WIPF2: variants seen among roughly 807,000 people sequenced by gnomAD.
The protein encoded by WIPF2 is WAS/WASL-interacting protein family member 2.
A neutral mutation model predicts 38.8 loss-of-function variants in WIPF2; 23 were observed. The ratio of observed to expected loss-of-function variants is 0.59; its 90% CI spans 0.43 to 0.84. The LOEUF (loss-of-function observed/expected upper bound fraction) is 0.84, where lower values mean the gene tolerates loss of function less well. Ranked by LOEUF, WIPF2 falls within the 40% of genes least tolerant of loss-of-function variation. WIPF2 has a pLI of 0.00. For missense variants in WIPF2, 574 were observed against 580.5 expected (o/e 0.99, Z 0.11); for synonymous variants, 210 against 223.2 (o/e 0.94, Z 0.53).
intron 1 of WIPF2, among the ~76,000 whole-genome samples, chr17:40,232,419 ACCT>A (rs2030788175): frequency 6.7e-6 from 1 of 149,958 alleles, no homozygotes; most frequent in African/African-American, 2.5e-5. Context: ...TGAACTCCTG[ACCT>A]CAAGCAGTCC....
intron 3 of WIPF2, among the ~76,000 whole-genome samples, chr17:40,262,256 A>C (rs2031935180): frequency 6.6e-6 from 1 of 151,232 alleles, no homozygotes; most frequent in Non-Finnish European, 1.5e-5. Flanking sequence ...GTAATTTTTG[A>C]AATTTTTTGT....
intron 5 of WIPF2, among the ~76,000 whole-genome samples, chr17:40,272,101 C>A (rs1466993203): frequency 6.6e-6 from 1 of 151,552 alleles, no homozygotes; most frequent in Non-Finnish European, 1.5e-5. Context: ...ATCACCGCAA[C>A]CTCCGCCTCT....
intron 2 of WIPF2, among the ~76,000 whole-genome samples, chr17:40,259,389 C>T (rs888132450): frequency 2.7e-5 from 4 of 150,430 alleles, no homozygotes; most frequent in East Asian, 2.0e-4. Context: ...GAGCCGAGAT[C>T]GCACCACTGT....
chr17:40,277,716 CG>C (rs2032445367), intron 7 of WIPF2, among the ~76,000 whole-genome samples: 1 of 106,018 alleles, frequency 9.4e-6, no homozygotes. Context: ...TCATCATCTT[CG>C]TTGTCCTTTT....
chr17:40,264,838 G>A lies in WIPF2; in HGVS notation c.662G>A (p.Arg221Gln), dbSNP rs267604846. The A allele has an allele frequency of 6.2e-7, 1 of 1,613,986 alleles. No homozygotes were observed. Among genetic ancestry groups the A allele is most frequent in the Non-Finnish European group, 8.5e-7 (1 of 1,179,996 alleles). Reference sequence around the variant, plus strand: ...CCTGGACAAAGGCTTCACCCTGGTCGAGAGGGACCTCCTGCTCCACCCCCA... The same window carrying A: ...CCTGGACAAAGGCTTCACCCTGGTCAAGAGGGACCTCCTGCTCCACCCCCA... ...PTPGQRLHPG[R>Q]EGPPAPPPVK... The change falls in exon 5 of 8, where the codon CGA becomes CAA. Residue 221 changes from arginine to glutamine, a missense_variant. Coordinates refer to ENST00000323571, the MANE Select transcript of WIPF2 (RefSeq NM_133264.5).
At chr17:40,231,124 A>G (rs1223307203) in intron 1 of WIPF2, among the ~76,000 whole-genome samples, 1 of 152,146 alleles carries the variant, frequency 6.6e-6, no homozygotes, top group Admixed American at 6.6e-5. Context: ...AAGGGACGGA[A>G]ATGTGCAAAT....
chr17:40,237,669 A>G (rs1023034077), intron 1 of WIPF2, among the ~76,000 whole-genome samples: 3 of 149,852 alleles, frequency 2.0e-5, no homozygotes, highest in Non-Finnish European at 4.4e-5. Flanking sequence ...TTTTTTAGAC[A>G]GAGTCTTACT....
chr17:40,281,817 T>A lies in WIPF2; in HGVS notation c.*3592T>A. 1 of 152,488 alleles carries A rather than the reference T, an allele frequency of 6.6e-6. No individual in the cohort carries two copies. The highest frequency in any genetic ancestry group is 1.5e-5 in the Non-Finnish European group (1 of 68,056). The allele number at this position is 152,488 out of a possible 1,614,324, so 9.4% of individuals were successfully genotyped here. On this transcript the variant is annotated 3_prime_UTR_variant, in exon 8 of 8. Transcript: ENST00000323571. ...AGGGTCCTTCCATTTTGTGAAGCTCTGGGGGTGGAGTGTGGGCATCTGAGG... is the reference window on the plus strand; with the variant it reads ...AGGGTCCTTCCATTTTGTGAAGCTCAGGGGGTGGAGTGTGGGCATCTGAGG...
chr17:40,274,557 G>GAAAAAAAAAA (rs571085371), intron 6 of WIPF2, among the ~76,000 whole-genome samples: 3 of 24,782 alleles, frequency 1.2e-4, no homozygotes, highest in African/African-American at 4.4e-4. Context: ...TGGAATTCTT[G>GAAAAAAAAAA]AAAAAAAAAA....
At chr17:40,237,327 G>A (rs1035397528) in intron 1 of WIPF2, among the ~76,000 whole-genome samples, 7 of 144,056 alleles carry the variant, frequency 4.9e-5, no homozygotes, top group Admixed American at 1.5e-4. Flanking sequence ...CGCAATCTCC[G>A]CCTCCTGGGT....
intron 5 of WIPF2, among the ~76,000 whole-genome samples, chr17:40,266,187 G>A (rs1331435033): frequency 2.7e-5 from 4 of 145,600 alleles, no homozygotes; most frequent in Non-Finnish European, 3.0e-5. Context: ...GCAGTGAGCC[G>A]AGATCACGCC....
At chr17:40,264,358 A>AAAAAAAAAACCCAGAATT in intron 4 of WIPF2, 132 bp from the exon 5 acceptor site, 1 of 712,260 alleles carries the variant, frequency 1.4e-6, no homozygotes, top group Non-Finnish European at 2.3e-6. Flanking sequence ...AAAAAAGAAA[A>AAAAAAAAAACCCAGAATT]ACAAAAAACC....
chr17:40,257,652 G>T (rs1407963445), intron 2 of WIPF2, among the ~76,000 whole-genome samples: 1 of 151,452 alleles, frequency 6.6e-6, no homozygotes, highest in Non-Finnish European at 1.5e-5. Flanking sequence ...AGGCTGAAGC[G>T]GGAGAATTGC....
intron 1 of WIPF2, among the ~76,000 whole-genome samples, chr17:40,241,021 A>G (rs1458433034): frequency 1.3e-5 from 2 of 152,032 alleles, no homozygotes; most frequent in Non-Finnish European, 2.9e-5. Context: ...TGCATGCAAT[A>G]TATTATGTTT....
At chr17:40,271,234 C>T (rs1230902638) in intron 5 of WIPF2, among the ~76,000 whole-genome samples, 1 of 152,174 alleles carries the variant, frequency 6.6e-6, no homozygotes, top group Non-Finnish European at 1.5e-5. Context: ...CCTCAGCCTC[C>T]CAGAGTGTTG....
In WIPF2 at chr17:40,264,551, T is replaced by A; in HGVS notation, c.375T>A (p.Pro125=). 1 of 1,614,030 alleles carries A rather than the reference T, an allele frequency of 6.2e-7. No individual in the cohort carries two copies. The highest frequency in any genetic ancestry group is 1.3e-5 in the African/African-American group (1 of 74,982). Residue 125 remains proline, a synonymous_variant, in exon 5 of 8, where the codon CCT becomes CCA. Coordinates refer to ENST00000323571, the MANE Select transcript of WIPF2 (RefSeq NM_133264.5). The stretch of plus-strand genomic sequence containing the variant: ...GTTCTCGAGCTGCTGCCCCAAGGCC[T>A]CCAGTATCTGCCGCCAGCGGGCGTC... ...IPSSRAAAPR[P]PVSAASGRPQ...
chr17:40,236,529 C>T (rs1335691980), intron 1 of WIPF2, among the ~76,000 whole-genome samples: 3 of 150,550 alleles, frequency 2.0e-5, no homozygotes, highest in Non-Finnish European at 4.4e-5. Flanking sequence ...TGGTCTCGAA[C>T]TCCTGGCCTC....
chr17:40,253,767 C>T (rs371523548), intron 1 of WIPF2, among the ~76,000 whole-genome samples: 14 of 152,290 alleles, frequency 9.2e-5, no homozygotes, highest in Admixed American at 3.9e-4. Flanking sequence ...GTTGGGCAGC[C>T]AGCCTATAGT....
chr17:40,223,996 C>G (rs1409974533), intron 1 of WIPF2, among the ~76,000 whole-genome samples: 1 of 151,926 alleles, frequency 6.6e-6, no homozygotes, highest in East Asian at 1.9e-4. Flanking sequence ...TTCATGGGCT[C>G]TTGGTTCAGG....
Sources: gnomAD v4.1 joint callset for allele counts (sites outside exome capture counted in the v4.1 genomes callset) on GRCh38, gnomAD v4.1.1 for gene constraint, MANE v1.5 for transcripts, NCBI Gene and HGNC (gene_info 2026-07-23, HGNC 2026-07-21) for gene names.